Variants in DPH6 observed in about 807,000 individuals in gnomAD.
The protein encoded by DPH6 is diphthine--ammonia ligase.
A neutral mutation model predicts 38.2 loss-of-function variants in DPH6; 33 were observed. The observed-to-expected ratio is 0.86, with a 90% confidence interval of 0.65 to 1.15. DPH6 has a LOEUF of 1.15. DPH6 is among the 50% of genes most tolerant of loss of function. The probability of loss-of-function intolerance (pLI) is 0.00; values close to 1 mark genes in which losing one functional copy is unlikely to be tolerated. For missense variants in DPH6, 325 were observed against 320.0 expected, an observed-to-expected ratio of 1.02 and a Z score of -0.12; for synonymous variants, 108 against 103.0, an observed-to-expected ratio of 1.05 and a Z score of -0.30.
intron 3 of DPH6, chr15:35,298,279 AT>A (rs2052028842): frequency 1.8e-6 from 1 of 568,296 alleles, no homozygotes; most frequent in South Asian, 1.4e-5. Context: ...AAGATACTGA[AT>A]TTTTCCAAAT....
chr15:35,293,154 A>G (rs1026501589), intron 3 of DPH6, among the ~76,000 whole-genome samples: 1 of 152,208 alleles, frequency 6.6e-6, no homozygotes, highest in African/African-American at 2.4e-5. Flanking sequence ...TATTCTGACT[A>G]AGGCAGCTTT....
chr15:35,468,219 C>T (rs945515717), intron 3 of DPH6, among the ~76,000 whole-genome samples: 5 of 152,136 alleles, frequency 3.3e-5, no homozygotes, highest in Admixed American at 6.5e-5. Context: ...ATCATGGTAA[C>T]GATCCTTCAA....
intron 6 of DPH6, among the ~76,000 whole-genome samples, chr15:35,406,458 C>T (rs1402987849): frequency 1.2e-4 from 18 of 151,888 alleles, no homozygotes; most frequent in Admixed American, 1.2e-3. Flanking sequence ...TCATATATAT[C>T]ATGATGGGAC....
chr15:35,399,856 GC>G (rs1271530434), intron 6 of DPH6, among the ~76,000 whole-genome samples: 3 of 152,146 alleles, frequency 2.0e-5, no homozygotes, highest in Non-Finnish European at 4.4e-5. Context: ...AAAAATTTAC[GC>G]CCATGGGTTC....
At chr15:35,356,079 T>C (rs2052557457) in intron 3 of DPH6, among the ~76,000 whole-genome samples, 2 of 152,216 alleles carry the variant, frequency 1.3e-5, no homozygotes, top group Admixed American at 1.3e-4. Flanking sequence ...ATCGAATCGG[T>C]ATTGAAGCTT....
At chr15:35,542,616 A>T in intron 1 of DPH6, 109 bp from the exon 2 acceptor site, 1 of 1,061,122 alleles carries the variant, frequency 9.4e-7, no homozygotes, top group Non-Finnish European at 1.3e-6. Context: ...TCTTCAGAAT[A>T]TATTACAATG....
At chr15:35,276,088 C>G (rs1445620623) in intron 3 of DPH6, among the ~76,000 whole-genome samples, 1 of 152,202 alleles carries the variant, frequency 6.6e-6, no homozygotes, top group Non-Finnish European at 1.5e-5. Flanking sequence ...GTTTCCTGTT[C>G]ACCACATCCA....
At chr15:35,204,817 A>G in the DPH6 span, among the ~76,000 whole-genome samples, 1 of 151,896 alleles carries the variant, frequency 6.6e-6, no homozygotes, top group Non-Finnish European at 1.5e-5. Context: ...CCACAACATA[A>G]CCACATTGAA....
At chr15:35,436,688 G>T (rs377745276) in intron 5 of DPH6, among the ~76,000 whole-genome samples, 2 of 151,462 alleles carry the variant, frequency 1.3e-5, no homozygotes, top group African/African-American at 4.8e-5. Context: ...AGTGAATACA[G>T]CTTTGCATTT....
chr15:35,219,264 C>T (rs2051428134), exon 4 of DPH6: 1 of 152,160 alleles, frequency 6.6e-6, no homozygotes, highest in Non-Finnish European at 1.5e-5. Flanking sequence ...TAATATCTGA[C>T]TTGGCAAAGG....
At chr15:35,403,589 C>A (rs1164088668) in intron 6 of DPH6, among the ~76,000 whole-genome samples, 1 of 152,176 alleles carries the variant, frequency 6.6e-6, no homozygotes, top group Non-Finnish European at 1.5e-5. Flanking sequence ...TGGCTCATGG[C>A]AGCCTCGACT....
intron 3 of DPH6, among the ~76,000 whole-genome samples, chr15:35,475,212 A>C (rs963092264): frequency 1.3e-5 from 2 of 152,052 alleles, no homozygotes; most frequent in Admixed American, 1.3e-4. Flanking sequence ...GGTCTTTTAT[A>C]GGTCTTACTT....
At chr15:35,267,371 G>A (rs1595453593) in intron 3 of DPH6, among the ~76,000 whole-genome samples, 2 of 151,956 alleles carry the variant, frequency 1.3e-5, no homozygotes, top group East Asian at 3.9e-4. Context: ...CAGCAGGACT[G>A]AGGCCTTCTT....
rs377051844 is a variant in DPH6 at position 35,243,035 on chromosome 15, C to T, written n.201-22453G>A. Among the ~76,000 whole-genome samples the T allele has an allele frequency of 2.3e-4, 33 of 142,472 alleles. 2 individuals are homozygous for T. Among genetic ancestry groups the T allele is most frequent in the African/African-American group, 8.2e-4 (32 of 39,202 alleles). The allele number at this position is 142,472 out of a possible 152,430, so 93.5% of individuals were successfully genotyped here. On this transcript the variant is annotated intron_variant and non_coding_transcript_variant, in intron 3 of 3. Coordinates refer to the DPH6 transcript ENST00000560386. ...TCTTTGCTGGCAGGACTATGCTGAA[C>T]CTCCGTAGGCACTCTCTAATTAGAT...
intron 3 of DPH6, among the ~76,000 whole-genome samples, chr15:35,335,580 G>T (rs560721988): frequency 3.3e-4 from 51 of 152,268 alleles, no homozygotes; most frequent in Non-Finnish European, 7.2e-4. Context: ...CACGGTATAA[G>T]GAAGGGGTCC....
intron 3 of DPH6, among the ~76,000 whole-genome samples, chr15:35,473,380 A>T (rs1304409071): frequency 6.6e-6 from 1 of 152,180 alleles, no homozygotes; most frequent in Non-Finnish European, 1.5e-5. Context: ...TCATTCAATT[A>T]TGTGTTCCTT....
intron 3 of DPH6, among the ~76,000 whole-genome samples, chr15:35,225,929 C>A (rs1256517192): frequency 6.6e-6 from 1 of 152,084 alleles, no homozygotes; most frequent in African/African-American, 2.4e-5. Context: ...GTGATTTTAA[C>A]CTGTCTCATT....
intron 3 of DPH6, among the ~76,000 whole-genome samples, chr15:35,236,686 A>G (rs1262128152): frequency 6.6e-6 from 1 of 152,086 alleles, no homozygotes; most frequent in Non-Finnish European, 1.5e-5. Flanking sequence ...GTTATTGGTA[A>G]TCAGGTATCT....
At chr15:35,520,232 A>G (rs59259859) in intron 3 of DPH6, 1 of 756,986 alleles carries the variant, frequency 1.3e-6, no homozygotes, top group Admixed American at 7.2e-5. Context: ...AAAAAAAACA[A>G]AAAAAAAACA....
Sources: allele counts gnomAD v4.1 joint callset (sites outside exome capture counted in the v4.1 genomes callset), GRCh38; gene constraint gnomAD v4.1.1; transcripts MANE v1.5; gene names NCBI Gene and HGNC (gene_info 2026-07-23, HGNC 2026-07-21).